Variants in CAPN8 observed in about 807,000 individuals in gnomAD.
CAPN8 encodes the protein calpain-8.
Under a neutral mutation model 80.9 loss-of-function variants are expected in CAPN8, and 87 were observed. That is an observed-to-expected ratio of 1.07 (90% CI 0.90 to 1.28). The LOEUF (loss-of-function observed/expected upper bound fraction) is 1.28. CAPN8 is among the 50% of genes most tolerant of loss of function. The pLI is 0.00. For missense variants in CAPN8, 757 were observed against 702.0 expected, an observed-to-expected ratio of 1.08 and a Z score of -0.89; for synonymous variants, 299 against 273.8, an observed-to-expected ratio of 1.09 and a Z score of -0.91.
At position 223,549,460 on chromosome 1, in the gene CAPN8, C is replaced by T. The variant is rs1213122472; in HGVS notation, c.1700-78G>A. The T allele has an allele frequency of 3.2e-6, 5 of 1,544,250 alleles. No individual in the cohort carries two copies. In the South Asian group the frequency reaches 4.8e-5, roughly 15 times the overall value. On this transcript the variant is annotated intron_variant, in intron 15 of 20. Transcript: ENST00000366872. ...GGAAAGAACCTCCACGGTAGAAGAC[C>T]TCCAAAGATACCATCCAAGGGTGTG...
At chr1:223,547,364 C>T (rs368063496) in intron 16 of CAPN8, among the ~76,000 whole-genome samples, 51 of 152,150 alleles carry the variant, frequency 3.4e-4, no homozygotes, top group African/African-American at 1.2e-3. Flanking sequence ...TTACAAAGGA[C>T]CACATATTGT....
Position 223,628,134 on chromosome 1 carries a change from C to G in CAPN8, c.435G>C (p.Gln145His). The change falls in exon 4 of 21, where the codon CAG becomes CAC. Residue 145 changes from glutamine to histidine, a missense_variant. Coordinates refer to ENST00000366872, the MANE Select transcript of CAPN8 (RefSeq NM_001143962.2). ...YAGIFHFQFW[Q>H]YGEWVEVVID... ...TGACCACCTCCACCCACTCTCCGTA[C>G]TGCCAGAACTGGGGAGGGGGGACAC... 2 of 1,545,762 alleles carry G rather than the reference C, an allele frequency of 1.3e-6. No homozygotes were observed.
At chr1:223,643,541 G>A (rs776369306) in intron 2 of CAPN8, among the ~76,000 whole-genome samples, 1 of 152,156 alleles carries the variant, frequency 6.6e-6, no homozygotes, top group Non-Finnish European at 1.5e-5. Flanking sequence ...ATGCCCAAGA[G>A]CAAAAATATG....
At chr1:223,662,815 C>G (rs1409115596) in intron 1 of CAPN8, among the ~76,000 whole-genome samples, 2 of 152,196 alleles carry the variant, frequency 1.3e-5, no homozygotes, top group African/African-American at 2.4e-5. Context: ...CATTTAGGAT[C>G]AGGCTAATTT....
At chr1:223,627,708 T>G (rs1173147390) in intron 4 of CAPN8, among the ~76,000 whole-genome samples, 2 of 152,174 alleles carry the variant, frequency 1.3e-5, no homozygotes, top group Admixed American at 1.3e-4. Context: ...AACGTTTACA[T>G]TGCCCCAGGA....
At position 223,632,234 on chromosome 1, in the gene CAPN8, GT is replaced by G. The variant is rs1657792484; in HGVS notation, c.308-3455del. Among the ~76,000 whole-genome samples the G allele has an allele frequency of 3.9e-5, 6 of 152,284 alleles. No individual in the cohort carries two copies. The South Asian group carries it at 1.2e-3, about 32-fold the overall frequency. On this transcript the variant is annotated intron_variant, in intron 2 of 20. Transcript: ENST00000366872. ...GAATGGATTGTCATGACGAGAATGC[GT>G]TTTCAAAGGAATATATCCAAATGTG...
At chr1:223,632,566 C>T (rs1385970852) in intron 2 of CAPN8, among the ~76,000 whole-genome samples, 1 of 151,978 alleles carries the variant, frequency 6.6e-6, no homozygotes, top group Non-Finnish European at 1.5e-5. Flanking sequence ...GCTGGGGTCT[C>T]ACTATGTTGC....
intron 10 of CAPN8, among the ~76,000 whole-genome samples, chr1:223,614,356 C>T (rs1261762100): frequency 1.3e-5 from 2 of 149,518 alleles, no homozygotes; most frequent in African/African-American, 4.9e-5. Context: ...GCCGAGTTCA[C>T]AGCACTGCAC....
chr1:223,654,212 G>C (rs1181247524), intron 2 of CAPN8, 118 bp downstream of exon 2: 2 of 832,962 alleles, frequency 2.4e-6, no homozygotes, highest in African/African-American at 3.4e-5. Flanking sequence ...AAACCCAGAC[G>C]GACACATCAG....
At chr1:223,662,188 C>G (rs1255477085) in intron 1 of CAPN8, among the ~76,000 whole-genome samples, 2 of 152,160 alleles carry the variant, frequency 1.3e-5, no homozygotes, top group Non-Finnish European at 2.9e-5. Context: ...TGGCTCACAC[C>G]TGTAATCCCA....
At chr1:223,639,456 G>C (rs146447970) in intron 2 of CAPN8, among the ~76,000 whole-genome samples, 15 of 152,282 alleles carry the variant, frequency 9.9e-5, no homozygotes, top group African/African-American at 3.1e-4. Context: ...ATCAGGCTGG[G>C]GAAGCTACAC....
chr1:223,659,351 G>T (rs574628065), intron 1 of CAPN8, among the ~76,000 whole-genome samples: 2 of 152,214 alleles, frequency 1.3e-5, no homozygotes, highest in East Asian at 3.9e-4. Flanking sequence ...TAGCCACATT[G>T]CTTGACCCAG....
chr1:223,619,170 G>T, intron 9 of CAPN8, 123 bp downstream of exon 9: 1 of 1,169,492 alleles, frequency 8.6e-7, no homozygotes, highest in East Asian at 2.6e-5. Flanking sequence ...CTCCAACCTG[G>T]GGAACAGAGC....
chr1:223,658,218 C>T (rs1355782322), intron 1 of CAPN8, among the ~76,000 whole-genome samples: 1 of 152,156 alleles, frequency 6.6e-6, no homozygotes, highest in Non-Finnish European at 1.5e-5. Flanking sequence ...CTTCAATTAC[C>T]TGTGTCACAT....
intron 10 of CAPN8, among the ~76,000 whole-genome samples, chr1:223,613,869 A>G (rs1429546389): frequency 6.6e-6 from 1 of 152,148 alleles, no homozygotes; most frequent in East Asian, 1.9e-4. Flanking sequence ...TACTTCTGAT[A>G]CCCTCTTAAC....
At chr1:223,618,619 G>A (rs528503548) in intron 9 of CAPN8, among the ~76,000 whole-genome samples, 5 of 152,238 alleles carry the variant, frequency 3.3e-5, no homozygotes, top group Non-Finnish European at 7.3e-5. Context: ...CTGGGTGTGG[G>A]GAGGGGAGTG....
chr1:223,611,396 T>G (rs1558339458), intron 11 of CAPN8, among the ~76,000 whole-genome samples: 1 of 152,338 alleles, frequency 6.6e-6, no homozygotes, highest in South Asian at 2.1e-4. Flanking sequence ...ACAACCCAGA[T>G]GTTAACATTC....
At chr1:223,553,955 G>A (rs972077173) in intron 13 of CAPN8, 55 bp from the exon 14 acceptor site, 2 of 398,430 alleles carry the variant, frequency 5.0e-6, no homozygotes, top group Admixed American at 4.4e-5. Flanking sequence ...GAGAATGAAA[G>A]ACGAAGATTT....
intron 2 of CAPN8, among the ~76,000 whole-genome samples, chr1:223,650,267 G>C (rs1259326735): frequency 6.6e-6 from 1 of 152,138 alleles, no homozygotes; most frequent in Non-Finnish European, 1.5e-5. Flanking sequence ...TTACATGTTG[G>C]GGTGTACCTG....
Sources: allele counts gnomAD v4.1 joint callset (sites outside exome capture counted in the v4.1 genomes callset), GRCh38; gene constraint gnomAD v4.1.1; transcripts MANE v1.5; gene names NCBI Gene and HGNC (gene_info 2026-07-23, HGNC 2026-07-21).